RANBP17: variants seen among roughly 807,000 people sequenced by gnomAD.
RANBP17 encodes RAN binding protein 17.
In RANBP17, 158 loss-of-function variants were observed where a neutral mutation model predicts 141.2. That is an observed-to-expected ratio of 1.12 (90% CI 0.98 to 1.28). The LOEUF (loss-of-function observed/expected upper bound fraction) is 1.28, where lower values mean the gene tolerates loss of function less well. Among genes scored for constraint, RANBP17 ranks in the 50% most tolerant of loss-of-function variants. The probability of loss-of-function intolerance (pLI) is 0.00; values close to 1 mark genes in which losing one functional copy is unlikely to be tolerated. For synonymous variants in RANBP17, 430 were observed against 450.0 expected (o/e 0.96, Z 0.56); for missense variants, 1,438 against 1,290.7 (o/e 1.11, Z -1.75).
intron 14 of RANBP17, among the ~76,000 whole-genome samples, chr5:171,002,320 T>A (rs903610405): frequency 6.6e-5 from 10 of 151,144 alleles, no homozygotes; most frequent in African/African-American, 2.4e-4. Flanking sequence ...GGAGGAAAAC[T>A]GGCCGTGAGG....
intron 18 of RANBP17, among the ~76,000 whole-genome samples, chr5:171,183,793 A>G (rs1395872236): frequency 1.3e-5 from 2 of 152,240 alleles, no homozygotes; most frequent in East Asian, 3.8e-4. Flanking sequence ...AACTAGAGAA[A>G]AAGTAGAAAT....
chr5:170,990,572 A>G (rs1778435205), intron 14 of RANBP17, among the ~76,000 whole-genome samples: 1 of 151,902 alleles, frequency 6.6e-6, no homozygotes, highest in South Asian at 2.1e-4. Flanking sequence ...AGCATTTTTC[A>G]GGGCTGGTAA....
intron 14 of RANBP17, among the ~76,000 whole-genome samples, chr5:171,101,099 G>A (rs1787126872): frequency 6.6e-6 from 1 of 152,184 alleles, no homozygotes; most frequent in South Asian, 2.1e-4. Context: ...GGAGAGTTCT[G>A]TAGCTATCTA....
chr5:171,247,726 AT>A, intron 24 of RANBP17, among the ~76,000 whole-genome samples: 1 of 152,306 alleles, frequency 6.6e-6, no homozygotes, highest in African/African-American at 2.4e-5. Context: ...GAACTCCTTC[AT>A]TCAGTAATTA....
chr5:170,921,997 C>T (rs375935868), intron 11 of RANBP17, among the ~76,000 whole-genome samples: 8 of 152,254 alleles, frequency 5.3e-5, no homozygotes, highest in African/African-American at 1.9e-4. Flanking sequence ...ATGTTGGTGA[C>T]CTACAGATGG....
At chr5:171,016,411 A>T (rs566119176) in intron 14 of RANBP17, among the ~76,000 whole-genome samples, 1 of 152,162 alleles carries the variant, frequency 6.6e-6, no homozygotes, top group East Asian at 1.9e-4. Flanking sequence ...TTTGCCTGTA[A>T]TCTGTAGTTT....
At chr5:170,932,078 T>G (rs1450657529) in intron 12 of RANBP17, among the ~76,000 whole-genome samples, 1 of 152,210 alleles carries the variant, frequency 6.6e-6, no homozygotes, top group African/African-American at 2.4e-5. Context: ...CCTCTTTTAT[T>G]TCACTGAGCA....
intron 24 of RANBP17, among the ~76,000 whole-genome samples, chr5:171,262,257 C>G (rs1766382576): frequency 1.3e-5 from 2 of 152,150 alleles, no homozygotes; most frequent in Admixed American, 1.3e-4. Context: ...ACTTTCGTGA[C>G]TGGGACTTGA....
chr5:171,088,958 C>T (rs529061944), intron 14 of RANBP17, among the ~76,000 whole-genome samples: 14 of 151,896 alleles, frequency 9.2e-5, no homozygotes, highest in African/African-American at 2.9e-4. Context: ...CTTCTTCTCT[C>T]AGCTCGTCAA....
chr5:171,115,048 C>G (rs777709783), intron 14 of RANBP17, among the ~76,000 whole-genome samples: 15 of 151,932 alleles, frequency 9.9e-5, no homozygotes, highest in Non-Finnish European at 1.6e-4. Context: ...ATGCAGTTAG[C>G]TGTGATTATG....
chr5:171,079,724 A>G (rs1785148539), intron 14 of RANBP17, among the ~76,000 whole-genome samples: 1 of 152,218 alleles, frequency 6.6e-6, no homozygotes. Context: ...AGGTGTATAC[A>G]TTATTTTTTA....
intron 14 of RANBP17, among the ~76,000 whole-genome samples, chr5:171,055,373 T>C (rs1783273759): frequency 6.6e-6 from 1 of 152,186 alleles, no homozygotes. Context: ...CCATATTTCT[T>C]GAAACATAAT....
chr5:170,968,700 G>T (rs1220094746), intron 14 of RANBP17: 2 of 464,126 alleles, frequency 4.3e-6, no homozygotes, highest in African/African-American at 2.0e-5. Flanking sequence ...TTTTTTAGTA[G>T]TTCCAGGGTT....
intron 14 of RANBP17, among the ~76,000 whole-genome samples, chr5:171,071,632 G>A (rs1367967994): frequency 3.5e-5 from 3 of 85,000 alleles, no homozygotes; most frequent in Non-Finnish European, 6.7e-5. Context: ...AAATGGTACT[G>A]GAACAATGAA....
intron 4 of RANBP17, among the ~76,000 whole-genome samples, chr5:170,893,864 A>G (rs1769871797): frequency 6.6e-6 from 1 of 151,946 alleles, no homozygotes; most frequent in Admixed American, 6.6e-5. Context: ...TGATTAATAG[A>G]TGGTTCAGTT....
chr5:170,862,078 G>A, intron 1 of RANBP17, 27 bp downstream of exon 1: 1 of 1,444,722 alleles, frequency 6.9e-7, no homozygotes, highest in East Asian at 3.1e-5. Context: ...CCGCGGGCCC[G>A]CGCTCCGCCA....
At chr5:170,898,016 A>T (rs916319121) in intron 5 of RANBP17, among the ~76,000 whole-genome samples, 5 of 152,134 alleles carry the variant, frequency 3.3e-5, no homozygotes, top group African/African-American at 1.2e-4. Context: ...ACTAATTTAC[A>T]CTCCCATCAA....
rs74338653 is a variant in RANBP17, at chr5:170,895,566, C to T, written c.424-484C>T. ...TTAATGTTAAAAGAGCCTAAGTGAT[C>T]CTATCTGATATTAGAACAAGAGATT... On this transcript the variant is annotated intron_variant, in intron 4 of 27. Transcript: ENST00000523189. Among the ~76,000 whole-genome samples, 924 of 152,200 alleles carry T rather than the reference C, an allele frequency of 6.1e-3. 11 individuals are homozygous for T. Among genetic ancestry groups the T allele is most frequent in the Middle Eastern group, 0.024 (7 of 294 alleles).
chr5:170,929,071 A>G (rs1193404481), intron 12 of RANBP17, among the ~76,000 whole-genome samples: 1 of 152,020 alleles, frequency 6.6e-6, no homozygotes, highest in East Asian at 1.9e-4. Context: ...ACTCTATTAA[A>G]CCAGAATTGA....
Sources: gnomAD v4.1 joint callset for allele counts (sites outside exome capture counted in the v4.1 genomes callset) on GRCh38, gnomAD v4.1.1 for gene constraint, MANE v1.5 for transcripts, NCBI Gene and HGNC (gene_info 2026-07-23, HGNC 2026-07-21) for gene names.